The following ZNF609 variants were observed in gnomAD, a reference collection of about 807,000 sequenced individuals.
ZNF609 encodes zinc finger protein 609.
In ZNF609, 11 loss-of-function variants were observed where a neutral mutation model predicts 109.5. The ratio of observed to expected loss-of-function variants is 0.10; its 90% CI spans 0.06 to 0.17. The LOEUF (loss-of-function observed/expected upper bound fraction) is 0.17. ZNF609 is among the 10% of genes least tolerant of loss of function. The pLI, the probability that ZNF609 is intolerant of heterozygous loss-of-function variation, is 1.00. For missense variants in ZNF609, 1,559 were observed against 1,772.4 expected, an observed-to-expected ratio of 0.88 and a Z score of 2.16; for synonymous variants, 646 against 662.0, an observed-to-expected ratio of 0.98 and a Z score of 0.37.
At chr15:64,644,643 A>G (rs75483686) in intron 3 of ZNF609, among the ~76,000 whole-genome samples, 59 of 152,338 alleles carry the variant, frequency 3.9e-4, no homozygotes, top group Non-Finnish European at 7.5e-4. Context: ...CAGAAAACTT[A>G]TAAAATGGTT....
At chr15:64,561,446 G>C (rs1018781145) in intron 2 of ZNF609, among the ~76,000 whole-genome samples, 1 of 136,250 alleles carries the variant, frequency 7.3e-6, no homozygotes, top group African/African-American at 3.4e-5. Flanking sequence ...TGCTACTTAA[G>C]ATTTGATTAC....
intron 2 of ZNF609, among the ~76,000 whole-genome samples, chr15:64,614,843 G>T (rs1439686550): frequency 8.1e-5 from 10 of 123,428 alleles, no homozygotes; most frequent in Non-Finnish European, 1.5e-4. Context: ...TTTTTAGGCA[G>T]AGTCTTGTTC....
chr15:64,518,423 T>C (rs1185436459), intron 2 of ZNF609, among the ~76,000 whole-genome samples: 1 of 152,086 alleles, frequency 6.6e-6, no homozygotes, highest in African/African-American at 2.4e-5. Flanking sequence ...GGAGGAGGAA[T>C]AGAATGGTAA....
At chr15:64,569,838 T>G (rs773191084) in intron 2 of ZNF609, among the ~76,000 whole-genome samples, 9 of 152,220 alleles carry the variant, frequency 5.9e-5, no homozygotes, top group Admixed American at 2.6e-4. Flanking sequence ...TAGTTAAGTT[T>G]TTTTCTGTAG....
intron 1 of ZNF609, among the ~76,000 whole-genome samples, chr15:64,487,686 G>A (rs1219867694): frequency 6.6e-6 from 1 of 151,720 alleles, no homozygotes; most frequent in African/African-American, 2.4e-5. Context: ...CGGCTGGAGT[G>A]CGGTGGCACA....
At chr15:64,582,972 C>T (rs1236162073) in intron 2 of ZNF609, among the ~76,000 whole-genome samples, 2 of 150,266 alleles carry the variant, frequency 1.3e-5, no homozygotes, top group African/African-American at 2.4e-5. Context: ...AGGATAGTCT[C>T]GATCTCCTGA....
rs1482999115 is a variant in ZNF609, at chr15:64,499,805, C to T, written c.386C>T (p.Ala129Val). The T allele has an allele frequency of 1.9e-6, 3 of 1,613,926 alleles. No homozygotes were observed. In the African/African-American group the frequency reaches 4.0e-5, roughly 22 times the overall value. Residue 129 changes from alanine (A) to valine (V), a missense_variant, in exon 2 of 10, where the codon GCC becomes GTC. Coordinates refer to ENST00000326648, the MANE Select transcript of ZNF609 (RefSeq NM_015042.2). ...KEVQGRSGDG[A>V]NAGGLVAAIA... is the part of the protein sequence containing the mutation. ...GTGCAGGGGCGCTCAGGAGATGGTG[C>T]CAATGCTGGAGGCCTGGTTGCTGCT...
At chr15:64,561,555 T>TC (rs1234512627) in intron 2 of ZNF609, among the ~76,000 whole-genome samples, 7 of 149,364 alleles carry the variant, frequency 4.7e-5, no homozygotes, top group Non-Finnish European at 7.4e-5. Flanking sequence ...TCTTTTTCTT[T>TC]TTTTTTTTTT....
At chr15:64,622,297 T>C (rs1048135634) in intron 2 of ZNF609, among the ~76,000 whole-genome samples, 1 of 152,204 alleles carries the variant, frequency 6.6e-6, no homozygotes, top group African/African-American at 2.4e-5. Flanking sequence ...TTAGGAATCA[T>C]GGCATTCCTA....
rs888954751 is a variant in ZNF609, at chr15:64,603,891, C to T, written c.748-18936C>T. On this transcript the variant is annotated intron_variant, in intron 2 of 9. Transcript: ENST00000326648. ...GCGGGCACCTGTAATCCCAGCTACT[C>T]GGGAGGCTGAGACAGAGAATTGCTT... Among the ~76,000 whole-genome samples, 5 of 148,584 alleles carry T rather than the reference C, an allele frequency of 3.4e-5. No individual in the cohort carries two copies. In the East Asian group the frequency reaches 6.0e-4, roughly 18 times the overall value.
At chr15:64,578,955 TA>T (rs1895047552) in intron 2 of ZNF609, among the ~76,000 whole-genome samples, 1 of 152,092 alleles carries the variant, frequency 6.6e-6, no homozygotes, top group Non-Finnish European at 1.5e-5. Flanking sequence ...TGAGCTTTGA[TA>T]GGGCCACTAT....
Position 64,524,010 on chromosome 15 carries a change from G to A in ZNF609, c.747+23844G>A, listed in dbSNP as rs1451629616. Among the ~76,000 whole-genome samples, 4 of 150,498 alleles carry A rather than the reference G, an allele frequency of 2.7e-5. No individual in the cohort carries two copies. The East Asian group carries it at 5.8e-4, about 22-fold the overall frequency. On this transcript the variant is annotated intron_variant, in intron 2 of 9. Coordinates refer to ENST00000326648, the MANE Select transcript of ZNF609 (RefSeq NM_015042.2). ...AAGAGGTTAGCTAGACAGGTTATACGGGTTTTTTTTTTTTCCTCATACAGT... is the reference window on the plus strand; with the variant it reads ...AAGAGGTTAGCTAGACAGGTTATACAGGTTTTTTTTTTTTCCTCATACAGT...
intron 2 of ZNF609, among the ~76,000 whole-genome samples, chr15:64,599,667 T>A (rs1335619338): frequency 1.3e-5 from 2 of 152,162 alleles, no homozygotes; most frequent in East Asian, 3.8e-4. Context: ...CTTCTATTAA[T>A]TTTACCTTTG....
At chr15:64,631,618 C>T (rs974409269) in intron 3 of ZNF609, 7 of 368,870 alleles carry the variant, frequency 1.9e-5, no homozygotes, top group African/African-American at 4.3e-5. Flanking sequence ...CCACAATCTC[C>T]GCCTCCTGGG....
At chr15:64,617,425 G>A (rs1895816938) in intron 2 of ZNF609, among the ~76,000 whole-genome samples, 1 of 151,930 alleles carries the variant, frequency 6.6e-6, no homozygotes, top group South Asian at 2.1e-4. Context: ...CAGAGAGGTT[G>A]AGGCTGCAGT....
intron 2 of ZNF609, among the ~76,000 whole-genome samples, chr15:64,533,500 A>T (rs1407988095): frequency 6.6e-6 from 1 of 152,154 alleles, no homozygotes; most frequent in African/African-American, 2.4e-5. Context: ...TTGCATGCTT[A>T]TTATTCAATA....
chr15:64,503,487 A>G (rs1893590971), intron 2 of ZNF609, among the ~76,000 whole-genome samples: 1 of 152,138 alleles, frequency 6.6e-6, no homozygotes, highest in African/African-American at 2.4e-5. Context: ...TCCTGAGCTT[A>G]GTGCTTATGT....
intron 2 of ZNF609, among the ~76,000 whole-genome samples, chr15:64,620,273 C>T (rs1369361522): frequency 6.6e-6 from 1 of 152,194 alleles, no homozygotes; most frequent in Non-Finnish European, 1.5e-5. Flanking sequence ...CTGCTTCTGT[C>T]ACAGTTCTTC....
intron 3 of ZNF609, among the ~76,000 whole-genome samples, chr15:64,642,497 TAA>T (rs916893926): frequency 6.7e-6 from 1 of 149,530 alleles, no homozygotes; most frequent in Non-Finnish European, 1.5e-5. Flanking sequence ...TATGACAGTT[TAA>T]AAAAAAAAGT....
Sources: allele counts gnomAD v4.1 joint callset (sites outside exome capture counted in the v4.1 genomes callset), GRCh38; gene constraint gnomAD v4.1.1; transcripts MANE v1.5; gene names NCBI Gene and HGNC (gene_info 2026-07-23, HGNC 2026-07-21).